INPP5A: variants seen among roughly 807,000 people sequenced by gnomAD.
The protein encoded by INPP5A is 43 kDa inositol polyphosphate 5-phophatase.
Under a neutral mutation model 65.2 loss-of-function variants are expected in INPP5A, and 14 were observed. The ratio of observed to expected loss-of-function variants is 0.21; its 90% CI spans 0.14 to 0.34. The LOEUF is 0.34. Ranked by LOEUF, INPP5A falls within the 10% of genes least tolerant of loss-of-function variation. INPP5A has a pLI of 1.00. For missense variants in INPP5A, 431 were observed against 545.6 expected, an observed-to-expected ratio of 0.79 and a Z score of 2.09; for synonymous variants, 207 against 208.3, an observed-to-expected ratio of 0.99 and a Z score of 0.05.
chr10:132,615,695 T>A (rs538984306), intron 2 of INPP5A, among the ~76,000 whole-genome samples: 1 of 151,882 alleles, frequency 6.6e-6, no homozygotes, highest in East Asian at 1.9e-4. Flanking sequence ...TGCTGGAGAG[T>A]GGGCAGCTGG....
chr10:132,776,814 TCGG>T (rs1311313266), intron 12 of INPP5A, among the ~76,000 whole-genome samples: 1 of 151,868 alleles, frequency 6.6e-6, no homozygotes. Flanking sequence ...TGTTCCAGAC[TCGG>T]CGGGTAGTGG....
rs796544819 is a variant in INPP5A, at chr10:132,646,218, G to A, written c.218+250G>A. Among the ~76,000 whole-genome samples the A allele has an allele frequency of 4.1e-4, 62 of 152,318 alleles. 1 individual carries two copies. Among genetic ancestry groups the A allele is most frequent in the African/African-American group, 1.4e-3 (58 of 41,578 alleles). On this transcript the variant is annotated intron_variant, in intron 3 of 15. Transcript: ENST00000368594. The stretch of plus-strand genomic sequence containing the variant: ...CCACACGGCGAGGGTCTGTGCTCTC[G>A]GGCCAGGGGACGTGAGCCCCAGATA...
chr10:132,759,228 G>A (rs532015997), intron 11 of INPP5A, among the ~76,000 whole-genome samples: 7 of 152,280 alleles, frequency 4.6e-5, no homozygotes, highest in African/African-American at 1.7e-4. Flanking sequence ...AAGTCCCCAG[G>A]CCCCTCAGTG....
chr10:132,607,657 G>A (rs1397315552), intron 1 of INPP5A, among the ~76,000 whole-genome samples: 2 of 152,252 alleles, frequency 1.3e-5, no homozygotes, highest in East Asian at 1.9e-4. Context: ...GGGGCTGCGC[G>A]ACGCTGCCCG....
Position 132,706,134 on chromosome 10 carries a change from A to G in INPP5A, c.475-2179A>G, listed in dbSNP as rs890511990. 6.6e-6 allele frequency among the ~76,000 whole-genome samples: 1 copy of G among 152,386 alleles called. No individual in the cohort carries two copies. Among genetic ancestry groups the G allele is most frequent in the Non-Finnish European group, 1.5e-5 (1 of 68,040 alleles). On this transcript the variant is annotated intron_variant, in intron 6 of 15. Coordinates refer to ENST00000368594, the MANE Select transcript of INPP5A (RefSeq NM_005539.5). The surrounding 1 kb of genome is among the most constrained non-coding windows in gnomAD (Gnocchi z 4.7). ...ACAGATTCTAGACTAGATGTGGTCA[A>G]AGAGAGAATCAGAGAATTAGACAAT... is the stretch of plus-strand genomic sequence containing the variant.
In INPP5A at chr10:132,696,419, C is replaced by T. The variant is rs575574229; in HGVS notation, c.371-1397C>T. On this transcript the variant is annotated intron_variant, in intron 5 of 15. Transcript: ENST00000368594. ...CTGCACTTCCTGACTTCAAGACTTG[C>T]TGTTCTGCCTTGTGGGTGAATGGGC... Among the ~76,000 whole-genome samples, 163 of 152,322 alleles carry T rather than the reference C, an allele frequency of 1.1e-3. 2 individuals are homozygous for T. The highest frequency in any genetic ancestry group is 3.8e-3 in the African/African-American group (159 of 41,572).
rs1260282338 is a variant in INPP5A at position 132,546,526 on chromosome 10, G to A, written c.75+8355G>A. On this transcript the variant is annotated intron_variant, in intron 1 of 15. Coordinates refer to ENST00000368594, the MANE Select transcript of INPP5A (RefSeq NM_005539.5). The surrounding 1 kb of genome is among the most constrained non-coding windows in gnomAD (Gnocchi z 5.7). ...TTGCTGGGGACCAGCTGGTTGCTGTGTCGGGGGGCCGTGCTCCCCCTTCTC... is the reference window on the plus strand; with the variant it reads ...TTGCTGGGGACCAGCTGGTTGCTGTATCGGGGGGCCGTGCTCCCCCTTCTC... Among the ~76,000 whole-genome samples the A allele has an allele frequency of 1.3e-5, 2 of 152,156 alleles. No homozygotes were observed. The highest frequency in any genetic ancestry group is 6.5e-5 in the Admixed American group (1 of 15,284).
chr10:132,771,539 G>A (rs61860773), intron 12 of INPP5A, among the ~76,000 whole-genome samples: 90,455 of 152,138 alleles, frequency 0.59, 30,274 homozygotes, highest in East Asian at 0.92. Context: ...GGGGTCCCAG[G>A]GACCCACAGG....
At chr10:132,572,692 C>T (rs775122951) in intron 1 of INPP5A, among the ~76,000 whole-genome samples, 1 of 152,074 alleles carries the variant, frequency 6.6e-6, no homozygotes, top group African/African-American at 2.4e-5. Context: ...TGGCTTTACT[C>T]GGTAGCGTTT....
chr10:132,619,278 C>T lies in INPP5A; in HGVS notation c.117+11322C>T, dbSNP rs185851331. ...AAAGAAATGGGCTATAGCCCCCAGGCGAGTTTGAAACCCAGTAGGGCGGCT... is the reference window on the plus strand; with the variant it reads ...AAAGAAATGGGCTATAGCCCCCAGGTGAGTTTGAAACCCAGTAGGGCGGCT... On this transcript the variant is annotated intron_variant, in intron 2 of 15. Transcript: ENST00000368594. Among the ~76,000 whole-genome samples, 7 of 152,308 alleles carry T rather than the reference C, an allele frequency of 4.6e-5. No homozygotes were observed. The South Asian group carries it at 1.0e-3, about 23-fold the overall frequency.
At chr10:132,643,643 C>G (rs1349096756) in intron 2 of INPP5A, among the ~76,000 whole-genome samples, 1 of 152,204 alleles carries the variant, frequency 6.6e-6, no homozygotes, top group African/African-American at 2.4e-5. Context: ...AGTCAAAGGG[C>G]ATAAAAGCAT....
chr10:132,654,847 G>A (rs1044137689), intron 4 of INPP5A, among the ~76,000 whole-genome samples: 9 of 152,256 alleles, frequency 5.9e-5, no homozygotes, highest in African/African-American at 2.2e-4. Context: ...CTGTGGGGGG[G>A]ACGCGGCTGA....
intron 9 of INPP5A, among the ~76,000 whole-genome samples, chr10:132,739,049 G>A (rs1393116068): frequency 6.6e-6 from 1 of 152,184 alleles, no homozygotes; most frequent in African/African-American, 2.4e-5. Flanking sequence ...AGGGAGGCCG[G>A]CGAAGTGTCT....
At chr10:132,774,729 G>A (rs959317005) in intron 12 of INPP5A, among the ~76,000 whole-genome samples, 1 of 151,958 alleles carries the variant, frequency 6.6e-6, no homozygotes, top group Non-Finnish European at 1.5e-5. Flanking sequence ...AGCAGGGCCA[G>A]TCAGCCTGGC....
chr10:132,717,948 C>A (rs1288365593), intron 8 of INPP5A, among the ~76,000 whole-genome samples: 12 of 95,520 alleles, frequency 1.3e-4, no homozygotes, highest in Admixed American at 4.8e-4. Context: ...GGCTGTCTTG[C>A]GGGTTCTGTG....
chr10:132,745,455 A>G (rs374175957), intron 9 of INPP5A, among the ~76,000 whole-genome samples: 2 of 152,292 alleles, frequency 1.3e-5, no homozygotes, highest in East Asian at 3.9e-4. Context: ...TTGCTTTTCC[A>G]GTGCCTGAGC....
chr10:132,725,412 A>T (rs991945747), intron 8 of INPP5A, among the ~76,000 whole-genome samples: 1 of 152,088 alleles, frequency 6.6e-6, no homozygotes, highest in African/African-American at 2.4e-5. Flanking sequence ...TGGCTCTCCA[A>T]CCCGAGGGTG....
chr10:132,708,416 A>G, intron 7 of INPP5A, 51 bp downstream of exon 7: 3 of 1,559,352 alleles, frequency 1.9e-6, no homozygotes, highest in Non-Finnish European at 2.7e-6. Context: ...TTACCCTTTT[A>G]TATCTTGCAC....
chr10:132,718,583 G>C (rs1376459045), intron 8 of INPP5A, among the ~76,000 whole-genome samples: 2 of 148,590 alleles, frequency 1.3e-5, no homozygotes, highest in Admixed American at 6.7e-5. Context: ...TGGTACCTGG[G>C]TTCTGTCTAG....
Sources: allele counts gnomAD v4.1 joint callset (sites outside exome capture counted in the v4.1 genomes callset), GRCh38; gene constraint gnomAD v4.1.1; non-coding constraint Gnocchi (gnomAD v3.1); transcripts MANE v1.5; gene names NCBI Gene and HGNC (gene_info 2026-07-23, HGNC 2026-07-21).